Variants in FANCB observed in about 807,000 individuals in gnomAD.
The protein encoded by FANCB is FA complementation group B, also known as Fanconi anemia group B protein.
A neutral mutation model predicts 38.9 loss-of-function variants in FANCB; 5 were observed. The ratio of observed to expected loss-of-function variants is 0.13; its 90% CI spans 0.07 to 0.27. FANCB has a LOEUF of 0.27. Ranked by LOEUF, FANCB falls within the 10% of genes least tolerant of loss-of-function variation. FANCB has a pLI of 1.00. For synonymous variants in FANCB, 236 were observed against 215.4 expected (o/e 1.10, Z -0.84); for missense variants, 573 against 602.7 (o/e 0.95, Z 0.52).
At chrX:14,693,076 CCAGA>C in the FANCB span, among the ~76,000 whole-genome samples, 1 of 107,961 alleles carries the variant, frequency 9.3e-6, no homozygotes, top group African/African-American at 3.4e-5. Flanking sequence ...GAATGCAGAA[CCAGA>C]CAGACAAAGA....
At chrX:14,833,296 G>C (rs1209948458), downstream of FANCB, among the ~76,000 whole-genome samples, 1 of 111,763 alleles carries the variant, frequency 8.9e-6, no homozygotes, top group Non-Finnish European at 1.9e-5. Flanking sequence ...TTTTTGGAAT[G>C]ACAACAAAGC....
At chrX:14,813,598 C>A in the FANCB span, among the ~76,000 whole-genome samples, 2 of 111,435 alleles carry the variant, frequency 1.8e-5, no homozygotes, top group African/African-American at 6.5e-5. Flanking sequence ...GAATAAAACA[C>A]TTAGGAATCC....
At chrX:14,741,365 G>A in the FANCB span, among the ~76,000 whole-genome samples, 2 of 111,699 alleles carry the variant, frequency 1.8e-5, no homozygotes, top group South Asian at 7.6e-4. Flanking sequence ...TAGTTTCAAT[G>A]ACTTTTATCA....
chrX:14,809,070 T>C, the FANCB span, among the ~76,000 whole-genome samples: 10 of 112,256 alleles, frequency 8.9e-5, no homozygotes, highest in East Asian at 2.8e-3. Flanking sequence ...TCCATGTTCA[T>C]GGGTTGGAAG....
chrX:14,788,003 G>C, the FANCB span, among the ~76,000 whole-genome samples: 169 of 100,611 alleles, frequency 1.7e-3, no homozygotes, highest in Non-Finnish European at 2.7e-3. Flanking sequence ...GGTAAAAGCT[G>C]CAGTTAAAAA....
the FANCB span, among the ~76,000 whole-genome samples, chrX:14,732,505 G>A: frequency 8.9e-6 from 1 of 112,143 alleles, no homozygotes; most frequent in Non-Finnish European, 1.9e-5. Context: ...CACCAACAAT[G>A]TAAAAGCATT....
Position 14,843,874 on chromosome X carries a change from T to C in FANCB, c.2273A>G (p.Asn758Ser), listed in dbSNP as rs2092363705. The C allele has an allele frequency of 8.3e-7, 1 of 1,206,607 alleles. No individual in the cohort carries two copies. The highest frequency in any genetic ancestry group is 1.8e-5 in the African/African-American group (1 of 57,070). ...KSGSENFLID[N>S]MAFTLEKELV... ...TTCCTTCTCCAAAGTAAATGCCATA[T>C]TATCAATTAGGAAATTCTCACTTCC... Residue 758 changes from asparagine to serine, a missense_variant, in exon 10 of 10, where the codon AAT becomes AGT. Asn to Ser is a conservative substitution (Grantham distance 46, BLOSUM62 1). Coordinates refer to ENST00000650831, the MANE Select transcript of FANCB (RefSeq NM_001018113.3).
the FANCB span, among the ~76,000 whole-genome samples, chrX:14,711,516 G>A: frequency 1.7e-3 from 195 of 112,251 alleles, no homozygotes; most frequent in African/African-American, 5.2e-3. Flanking sequence ...ATTGGAGAGA[G>A]CATGAGCCCT....
At chrX:14,721,717 A>G in the FANCB span, among the ~76,000 whole-genome samples, 1 of 111,209 alleles carries the variant, frequency 9.0e-6, no homozygotes, top group African/African-American at 3.3e-5. Flanking sequence ...GGCTGAAAAG[A>G]CTTATTCTGG....
chrX:14,739,522 C>T, the FANCB span, among the ~76,000 whole-genome samples: 424 of 111,867 alleles, frequency 3.8e-3, 3 homozygotes, highest in African/African-American at 0.013. Context: ...TCATGAATGA[C>T]GAAATAAATG....
At chrX:14,754,030 T>G in the FANCB span, among the ~76,000 whole-genome samples, 2 of 112,234 alleles carry the variant, frequency 1.8e-5, no homozygotes, top group Non-Finnish European at 3.8e-5. Context: ...TCCCCCTCCA[T>G]GACCCAAGCT....
chrX:14,807,248 T>G, the FANCB span, among the ~76,000 whole-genome samples: 2 of 112,510 alleles, frequency 1.8e-5, no homozygotes, highest in African/African-American at 3.2e-5. Context: ...AAAAAATTCT[T>G]TCACACACAG....
the FANCB span, among the ~76,000 whole-genome samples, chrX:14,803,961 A>C: frequency 2.7e-5 from 3 of 111,585 alleles, no homozygotes; most frequent in Non-Finnish European, 5.7e-5. Context: ...TTAGAATGGC[A>C]ATCATTAAAA....
At chrX:14,786,841 AG>A in the FANCB span, among the ~76,000 whole-genome samples, 1 of 111,555 alleles carries the variant, frequency 9.0e-6, no homozygotes, top group East Asian at 2.8e-4. Flanking sequence ...CAATGTCTCC[AG>A]GTTTATGACA....
At chrX:14,753,144 G>A in the FANCB span, among the ~76,000 whole-genome samples, 1 of 109,902 alleles carries the variant, frequency 9.1e-6, no homozygotes, top group Admixed American at 9.7e-5. Flanking sequence ...TATAAAATTT[G>A]AGAAAATTAA....
At chrX:14,792,507 A>AAT in the FANCB span, among the ~76,000 whole-genome samples, 1 of 111,499 alleles carries the variant, frequency 9.0e-6, no homozygotes, top group Non-Finnish European at 1.9e-5. Flanking sequence ...CATTAAAAAA[A>AAT]ATCAATATAT....
the FANCB span, among the ~76,000 whole-genome samples, chrX:14,813,519 T>C: frequency 9.0e-6 from 1 of 111,091 alleles, no homozygotes; most frequent in African/African-American, 3.3e-5. Flanking sequence ...CTATACACTA[T>C]ACACCAATAA....
chrX:14,789,455 A>T, the FANCB span, among the ~76,000 whole-genome samples: 1 of 111,642 alleles, frequency 9.0e-6, no homozygotes, highest in Non-Finnish European at 1.9e-5. Flanking sequence ...CTCTACAAAA[A>T]ATAATAAAAA....
intron 3 of FANCB, among the ~76,000 whole-genome samples, chrX:14,863,733 C>G (rs990070466): frequency 2.7e-5 from 3 of 112,493 alleles, no homozygotes; most frequent in Non-Finnish European, 5.6e-5. Flanking sequence ...TACCACTTGT[C>G]TATGGAGAAC....
Sources: gnomAD v4.1 joint callset for allele counts (sites outside exome capture counted in the v4.1 genomes callset) on GRCh38, gnomAD v4.1.1 for gene constraint, MANE v1.5 for transcripts, NCBI Gene and HGNC (gene_info 2026-07-23, HGNC 2026-07-21) for gene names.